Variants in ADCY8 observed in about 807,000 individuals in gnomAD.
The protein encoded by ADCY8 is adenylate cyclase type 8.
A neutral mutation model predicts 119.7 loss-of-function variants in ADCY8; 51 were observed. The ratio of observed to expected loss-of-function variants is 0.43; its 90% CI spans 0.34 to 0.54. The LOEUF (loss-of-function observed/expected upper bound fraction) is 0.54, where lower values mean the gene tolerates loss of function less well. Ranked by LOEUF, ADCY8 falls within the 20% of genes least tolerant of loss-of-function variation. ADCY8 has a pLI of 0.03. For missense variants in ADCY8, 1,383 were observed against 1,598.8 expected, an observed-to-expected ratio of 0.87 and a Z score of 2.30; for synonymous variants, 665 against 651.0, an observed-to-expected ratio of 1.02 and a Z score of -0.33.
At chr8:131,003,206 T>TCTCTCACACA (rs372048150) in intron 1 of ADCY8, among the ~76,000 whole-genome samples, 27 of 137,584 alleles carry the variant, frequency 2.0e-4, no homozygotes, top group East Asian at 8.5e-4. Context: ...TGAAACACCA[T>TCTCTCACACA]CACACACACA....
chr8:130,831,282 C>T (rs770251621), intron 12 of ADCY8, among the ~76,000 whole-genome samples: 13 of 152,192 alleles, frequency 8.5e-5, no homozygotes, highest in Non-Finnish European at 1.8e-4. Flanking sequence ...TTTAATTGGA[C>T]ACCTTGCCAG....
chr8:130,835,399 G>C (rs1448719588), intron 12 of ADCY8, among the ~76,000 whole-genome samples: 1 of 152,188 alleles, frequency 6.6e-6, no homozygotes, highest in Non-Finnish European at 1.5e-5. Context: ...AAATGGCTCT[G>C]CGAGTGGATT....
intron 14 of ADCY8, among the ~76,000 whole-genome samples, chr8:130,800,973 GT>G (rs1276173603): frequency 1.3e-5 from 2 of 152,108 alleles, no homozygotes; most frequent in Non-Finnish European, 2.9e-5. Context: ...TCCAGTAGGG[GT>G]TTTACCTTCA....
At chr8:130,961,026 C>A (rs1282488660) in intron 2 of ADCY8, among the ~76,000 whole-genome samples, 2 of 151,902 alleles carry the variant, frequency 1.3e-5, no homozygotes, top group East Asian at 3.9e-4. Flanking sequence ...GTTTGGGATT[C>A]CAGTCACTCT....
chr8:130,843,734 T>G, intron 11 of ADCY8, among the ~76,000 whole-genome samples: 1 of 152,224 alleles, frequency 6.6e-6, no homozygotes, highest in Non-Finnish European at 1.5e-5. Context: ...TTGTGGGCCT[T>G]GTCCTGTGCT....
In ADCY8 at chr8:130,807,901, G is replaced by A. The variant is rs370822261; in HGVS notation, c.2913+6168C>T. Among the ~76,000 whole-genome samples, 451 of 137,608 alleles carry A rather than the reference G, an allele frequency of 3.3e-3. 3 individuals are homozygous for A. Among genetic ancestry groups the A allele is most frequent in the Middle Eastern group, 0.029 (8 of 276 alleles). 90.3% of individuals were successfully genotyped at this position (137,608 alleles called of 152,430 possible). A position where few individuals can be genotyped will look rare whatever the true frequency, so the allele number is the denominator to read the frequency against. Reference sequence around the variant, plus strand: ...TGGGAGGCTGAGGCAGGAGAATGGCGTGAACCCGGGAGGCGGAGCTTGCAG... The same window carrying A: ...TGGGAGGCTGAGGCAGGAGAATGGCATGAACCCGGGAGGCGGAGCTTGCAG... On this transcript the variant is annotated intron_variant, in intron 14 of 17. Transcript: ENST00000286355.
At chr8:130,989,807 T>C (rs1822519430) in intron 2 of ADCY8, among the ~76,000 whole-genome samples, 1 of 152,202 alleles carries the variant, frequency 6.6e-6, no homozygotes, top group Non-Finnish European at 1.5e-5. Context: ...AATCAGGATG[T>C]CCAAAAAATT....
rs536567164 is a variant in ADCY8 at position 130,876,275 on chromosome 8, T to G, written c.2109+8289A>C. 7.9e-5 allele frequency among the ~76,000 whole-genome samples: 12 copies of G among 152,202 alleles called. No individual in the cohort carries two copies. The East Asian group carries it at 2.3e-3, about 29-fold the overall frequency. ...CATGTTGGCCAGGCTGGTCTTGAAC[T>G]CCTGACCTCAAGTGATCCACCCGCC... On this transcript the variant is annotated intron_variant, in intron 8 of 17. Coordinates refer to ENST00000286355, the MANE Select transcript of ADCY8 (RefSeq NM_001115.3).
At chr8:131,009,749 G>A (rs897636436) in intron 1 of ADCY8, among the ~76,000 whole-genome samples, 3 of 152,190 alleles carry the variant, frequency 2.0e-5, no homozygotes, top group East Asian at 1.9e-4. Flanking sequence ...AGGCTCCCTC[G>A]AGGAGGTAAC....
At chr8:130,815,673 T>G (rs894070429) in intron 13 of ADCY8, among the ~76,000 whole-genome samples, 1 of 152,208 alleles carries the variant, frequency 6.6e-6, no homozygotes, top group African/African-American at 2.4e-5. Context: ...ATAGAATAAA[T>G]GAATGAACTC....
At chr8:131,033,714 C>A (rs1472696034) in intron 1 of ADCY8, among the ~76,000 whole-genome samples, 1 of 151,864 alleles carries the variant, frequency 6.6e-6, no homozygotes, top group Non-Finnish European at 1.5e-5. Context: ...GTCATTTCAG[C>A]AGTCATTAAG....
chr8:131,039,770 C>A lies in ADCY8; in HGVS notation c.564G>T (p.Leu188=). The A allele has an allele frequency of 6.2e-7, 1 of 1,614,188 alleles. No homozygotes were observed. The highest frequency in any genetic ancestry group is 8.5e-7 in the Non-Finnish European group (1 of 1,180,038). ...RRKSEVVMNV[L]DVLTKLTLLV... ...AGAGAGTGAGTTTGGTCAGCACGTC[C>A]AGCACGTTCATCACCACTTCCGATT... is the stretch of plus-strand genomic sequence containing the variant. The change falls in exon 1 of 18, where the codon CTG becomes CTT. Residue 188 remains leucine (L), a synonymous_variant. Transcript: ENST00000286355.
intron 14 of ADCY8, among the ~76,000 whole-genome samples, chr8:130,802,545 A>T (rs1052770681): frequency 1.3e-5 from 2 of 152,106 alleles, no homozygotes; most frequent in African/African-American, 4.8e-5. Flanking sequence ...TGCCCTCAGG[A>T]TAAAGCTCAC....
At chr8:131,011,021 A>G (rs1286087898) in intron 1 of ADCY8, among the ~76,000 whole-genome samples, 1 of 152,238 alleles carries the variant, frequency 6.6e-6, no homozygotes, top group Non-Finnish European at 1.5e-5. Context: ...ATGCATCACA[A>G]TCCAGTCATA....
At position 130,849,710 on chromosome 8, in the gene ADCY8, G is replaced by A; in HGVS notation, c.2304C>T (p.Pro768=). ...AACAGCAAGTTTTCCGGAGGATGAG[G>A]GGCAAACATTTATAATCCTCTGCTG... ...ITTAEDYKCL[P]LILRKTCCWI... Residue 768 remains proline (P), a synonymous_variant, in exon 10 of 18, where the codon CCC becomes CCT. Transcript: ENST00000286355. 6.2e-7 allele frequency: 1 copy of A among 1,613,998 alleles called. No homozygotes were observed. Among genetic ancestry groups the A allele is most frequent in the Non-Finnish European group, 8.5e-7 (1 of 1,179,942 alleles).
intron 6 of ADCY8, 32 bp from the exon 7 acceptor site, chr8:130,904,074 T>C (rs1181922642): frequency 4.4e-6 from 7 of 1,577,534 alleles, no homozygotes; most frequent in Non-Finnish European, 6.0e-6. Context: ...CATTACACAC[T>C]CCTGATGTTG....
chr8:130,918,346 T>G (rs922073108), intron 5 of ADCY8, among the ~76,000 whole-genome samples: 1 of 152,166 alleles, frequency 6.6e-6, no homozygotes, highest in Non-Finnish European at 1.5e-5. Flanking sequence ...CTGGGGTCTC[T>G]TCTAATAAGG....
chr8:130,848,633 C>T (rs1400411679), intron 10 of ADCY8, among the ~76,000 whole-genome samples: 2 of 151,974 alleles, frequency 1.3e-5, no homozygotes, highest in South Asian at 2.1e-4. Context: ...ACTTGGGGAC[C>T]CTCCCTCAGG....
rs530779925 is a variant in ADCY8, at chr8:130,993,729, C to T, written c.961-3187G>A. 2.1e-4 allele frequency among the ~76,000 whole-genome samples: 32 copies of T among 152,292 alleles called. 1 individual carries two copies. In the South Asian group the frequency reaches 6.2e-3, roughly 30 times the overall value. Reference sequence around the variant, plus strand: ...TTCTCCTTCTGCCATGATTGTGAGGCCTCCCCAGCCACGTGGAACTCTGAG... The same window carrying T: ...TTCTCCTTCTGCCATGATTGTGAGGTCTCCCCAGCCACGTGGAACTCTGAG... On this transcript the variant is annotated intron_variant, in intron 1 of 17. Coordinates refer to ENST00000286355, the MANE Select transcript of ADCY8 (RefSeq NM_001115.3).
Sources: allele counts gnomAD v4.1 joint callset (sites outside exome capture counted in the v4.1 genomes callset), GRCh38; gene constraint gnomAD v4.1.1; transcripts MANE v1.5; gene names NCBI Gene and HGNC (gene_info 2026-07-23, HGNC 2026-07-21).